ABTB2: variants seen among roughly 807,000 people sequenced by gnomAD.
The protein encoded by ABTB2 is ankyrin repeat and BTB/POZ domain-containing protein 2.
In ABTB2, 56 loss-of-function variants were observed where a neutral mutation model predicts 104.1. The ratio of observed to expected loss-of-function variants is 0.54; its 90% CI spans 0.43 to 0.67. ABTB2 has a LOEUF of 0.67. Ranked by LOEUF, ABTB2 falls within the 30% of genes least tolerant of loss-of-function variation. ABTB2 has a pLI of 0.00. For synonymous variants in ABTB2, 606 were observed against 608.2 expected (o/e 1.00, Z 0.05); for missense variants, 1,279 against 1,407.7 (o/e 0.91, Z 1.46).
At chr11:34,332,754 A>G (rs1855147219) in intron 1 of ABTB2, among the ~76,000 whole-genome samples, 1 of 152,166 alleles carries the variant, frequency 6.6e-6, no homozygotes, top group African/African-American at 2.4e-5. Context: ...AGGCAAAGGC[A>G]GGAGAACTCT....
intron 1 of ABTB2, among the ~76,000 whole-genome samples, chr11:34,351,420 TA>T (rs1329881496): frequency 1.3e-5 from 2 of 151,456 alleles, no homozygotes; most frequent in African/African-American, 4.9e-5. Flanking sequence ...TCCTCTTGGG[TA>T]TTGTACACTG....
intron 3 of ABTB2, among the ~76,000 whole-genome samples, chr11:34,195,988 C>T (rs939744205): frequency 6.6e-6 from 1 of 152,132 alleles, no homozygotes; most frequent in African/African-American, 2.4e-5. Context: ...GGCACTGAGG[C>T]CCGTGGGCTC....
chr11:34,288,135 T>A (rs1590242639), intron 1 of ABTB2, among the ~76,000 whole-genome samples: 1 of 152,244 alleles, frequency 6.6e-6, no homozygotes, highest in African/African-American at 2.4e-5. Flanking sequence ...ATTTTATTAT[T>A]AAAAATTTCA....
chr11:34,171,917 A>C (rs1356357472), intron 4 of ABTB2, among the ~76,000 whole-genome samples: 1 of 152,148 alleles, frequency 6.6e-6, no homozygotes, highest in Admixed American at 6.5e-5. Flanking sequence ...GTCACAGATA[A>C]TGCCTGTGTT....
At chr11:34,307,352 G>A (rs1367507781) in intron 1 of ABTB2, among the ~76,000 whole-genome samples, 3 of 152,176 alleles carry the variant, frequency 2.0e-5, no homozygotes, top group East Asian at 1.9e-4. Flanking sequence ...TTCTCTCAAC[G>A]AGATCACATG....
rs150950067 is a variant in ABTB2, at chr11:34,241,958, C to A, written c.884-37268G>T. Among the ~76,000 whole-genome samples, 563 of 152,334 alleles carry A rather than the reference C, an allele frequency of 3.7e-3. 4 individuals are homozygous for A. Among genetic ancestry groups the A allele is most frequent in the African/African-American group, 0.012 (504 of 41,568 alleles). ...CTGAAGGGTCTGTGAAAGTTCCACA[C>A]ATTGATTGAGCCTCCTGGCCCCTTG... On this transcript the variant is annotated intron_variant, in intron 1 of 16. Transcript: ENST00000435224.
chr11:34,256,301 C>G (rs1854122166), intron 1 of ABTB2, among the ~76,000 whole-genome samples: 1 of 152,144 alleles, frequency 6.6e-6, no homozygotes, highest in African/African-American at 2.4e-5. Context: ...TGTTGTCTTT[C>G]TCCCCCCTCC....
intron 3 of ABTB2, among the ~76,000 whole-genome samples, chr11:34,174,345 A>AAAG (rs1444507094): frequency 4.8e-4 from 73 of 151,236 alleles, no homozygotes; most frequent in African/African-American, 1.7e-3. Context: ...AAAAAAAAAA[A>AAAG]AAAAAGAAAG....
At chr11:34,202,545 A>G (rs1470564187) in intron 2 of ABTB2, among the ~76,000 whole-genome samples, 2 of 152,146 alleles carry the variant, frequency 1.3e-5, no homozygotes, top group Non-Finnish European at 2.9e-5. Context: ...TTAAGCTTTA[A>G]ATGGGCAGCT....
At chr11:34,274,013 A>G (rs12365859) in intron 1 of ABTB2, among the ~76,000 whole-genome samples, 17,352 of 149,952 alleles carry the variant, frequency 0.12, 1,178 homozygotes, top group Admixed American at 0.21. Context: ...TTAGCCGGGC[A>G]CGGTGGCGGG....
chr11:34,285,485 A>G (rs763762485), intron 1 of ABTB2, among the ~76,000 whole-genome samples: 2 of 152,050 alleles, frequency 1.3e-5, no homozygotes, highest in African/African-American at 2.4e-5. Context: ...CTTAACCACA[A>G]AGGTGCAGAA....
intron 1 of ABTB2, among the ~76,000 whole-genome samples, chr11:34,212,373 A>C (rs1443227965): frequency 1.3e-5 from 2 of 152,206 alleles, no homozygotes; most frequent in African/African-American, 4.8e-5. Context: ...GCAGGTTTTA[A>C]CCATGGCTAA....
At chr11:34,351,926 C>T (rs1348435885) in intron 1 of ABTB2, among the ~76,000 whole-genome samples, 3 of 146,200 alleles carry the variant, frequency 2.1e-5, no homozygotes, top group Admixed American at 6.7e-5. Context: ...CTTTCTCAGG[C>T]GTGCGAGAAA....
intron 10 of ABTB2, among the ~76,000 whole-genome samples, chr11:34,161,576 A>T (rs1852721241): frequency 6.6e-6 from 1 of 152,180 alleles, no homozygotes; most frequent in Non-Finnish European, 1.5e-5. Context: ...CGGAAGCTTG[A>T]AACGAACCCG....
Position 34,204,700 on chromosome 11 carries a change from A to C in ABTB2, c.884-10T>G. 1 of 1,609,232 alleles carries C rather than the reference A, an allele frequency of 6.2e-7. No homozygotes were observed. The highest frequency in any genetic ancestry group is 8.5e-7 in the Non-Finnish European group (1 of 1,177,560). On this transcript the variant is annotated splice_polypyrimidine_tract_variant and intron_variant, in intron 1 of 16. Transcript: ENST00000435224. ...GGGAGGGAGAGGACACCTATGGGGA[A>C]AGAAGGCAGACAGGTCACACTTAGG...
chr11:34,297,786 A>G lies in ABTB2; in HGVS notation c.883+58915T>C, dbSNP rs541850469. 6.1e-5 allele frequency among the ~76,000 whole-genome samples: 4 copies of G among 65,524 alleles called. 1 individual carries two copies. Among genetic ancestry groups the G allele is most frequent in the East Asian group, 7.4e-4 (1 of 1,356 alleles). The allele number at this position is 65,524 out of a possible 152,430, so 43.0% of individuals were successfully genotyped here. A position where few individuals can be genotyped will look rare whatever the true frequency, so the allele number is the denominator to read the frequency against. ...CATCTCAAAAAAAAAAAAAAAAAAT[A>G]AAAATAAAGGAAAGAAAAAGAAAAA... On this transcript the variant is annotated intron_variant, in intron 1 of 16. Coordinates refer to ENST00000435224, the MANE Select transcript of ABTB2 (RefSeq NM_145804.3).
chr11:34,205,820 C>T (rs1179831856), intron 1 of ABTB2, among the ~76,000 whole-genome samples: 1 of 152,156 alleles, frequency 6.6e-6, no homozygotes, highest in Non-Finnish European at 1.5e-5. Flanking sequence ...TTCTGGCTGT[C>T]ACGTAACCAG....
intron 1 of ABTB2, among the ~76,000 whole-genome samples, chr11:34,347,984 C>T (rs1855354040): frequency 6.6e-6 from 1 of 152,192 alleles, no homozygotes; most frequent in African/African-American, 2.4e-5. Flanking sequence ...CCTCGTTTAA[C>T]ACATTTGCCA....
At position 34,197,319 on chromosome 11, in the gene ABTB2, C is replaced by T. The variant is rs757483633; in HGVS notation, c.1244+6G>A. The T allele has an allele frequency of 6.2e-7, 1 of 1,614,010 alleles. No homozygotes were observed. Among genetic ancestry groups the T allele is most frequent in the Non-Finnish European group, 8.5e-7 (1 of 1,179,916 alleles). On this transcript the variant is annotated splice_donor_region_variant and intron_variant, in intron 3 of 16. Coordinates refer to ENST00000435224, the MANE Select transcript of ABTB2 (RefSeq NM_145804.3). The stretch of plus-strand genomic sequence containing the variant: ...ACCAGGTGCTCAGCCCAAGGAAGAT[C>T]CCTACCGTTCATTGTTCAAGGTCAT...
Sources: allele counts gnomAD v4.1 joint callset (sites outside exome capture counted in the v4.1 genomes callset), GRCh38; gene constraint gnomAD v4.1.1; transcripts MANE v1.5; gene names NCBI Gene and HGNC (gene_info 2026-07-23, HGNC 2026-07-21).